Variants in CLSTN2 observed in about 807,000 individuals in gnomAD.
The protein encoded by CLSTN2 is calsyntenin-2.
A neutral mutation model predicts 101.2 loss-of-function variants in CLSTN2; 48 were observed. That is an observed-to-expected ratio of 0.47 (90% CI 0.38 to 0.60). The LOEUF (loss-of-function observed/expected upper bound fraction) is 0.60. CLSTN2 is among the 20% of genes least tolerant of loss of function. The probability of loss-of-function intolerance (pLI) is 0.00; values close to 1 mark genes in which losing one functional copy is unlikely to be tolerated. For missense variants in CLSTN2, 1,160 were observed against 1,238.2 expected, an observed-to-expected ratio of 0.94 and a Z score of 0.95; for synonymous variants, 481 against 463.6, an observed-to-expected ratio of 1.04 and a Z score of -0.48.
At chr3:140,469,131 T>C (rs1933776055) in intron 8 of CLSTN2, among the ~76,000 whole-genome samples, 1 of 152,230 alleles carries the variant, frequency 6.6e-6, no homozygotes, top group African/African-American at 2.4e-5. Context: ...TGGTCCACCC[T>C]TTTGACCTCA....
intron 2 of CLSTN2, among the ~76,000 whole-genome samples, chr3:140,391,471 T>A (rs1178105421): frequency 2.0e-5 from 3 of 152,160 alleles, no homozygotes; most frequent in Non-Finnish European, 2.9e-5. Flanking sequence ...ACTCCCCAGG[T>A]CACTTTGCTT....
Position 140,403,725 on chromosome 3 carries a change from G to T in CLSTN2, c.329G>T (p.Ser110Ile). ...GGAGAGGGCCGGCTCCGTGCCAAGA[G>T]CCCCATTGACTGTGAGTTGCAGAAG... Reference protein sequence around the residue: ...TSGEGRLRAKSPIDCELQKEY... With the variant: ...TSGEGRLRAKIPIDCELQKEY... Residue 110 changes from serine to isoleucine, a missense_variant, in exon 3 of 17, where the codon AGC (serine) becomes ATC (isoleucine). Transcript: ENST00000458420. 6.2e-7 allele frequency: 1 copy of T among 1,614,148 alleles called. No individual in the cohort carries two copies. The highest frequency in any genetic ancestry group is 8.5e-7 in the Non-Finnish European group (1 of 1,180,002).
intron 8 of CLSTN2, among the ~76,000 whole-genome samples, chr3:140,479,069 T>C (rs1265986780): frequency 6.6e-6 from 1 of 152,090 alleles, no homozygotes; most frequent in African/African-American, 2.4e-5. Flanking sequence ...CACAGAACTG[T>C]GTATATACAG....
intron 2 of CLSTN2, among the ~76,000 whole-genome samples, chr3:140,181,491 G>GTCC (rs2010408465): frequency 6.6e-6 from 1 of 152,150 alleles, no homozygotes; most frequent in African/African-American, 2.4e-5. Context: ...CATTTGTACT[G>GTCC]TCAAGGTATG....
At chr3:140,370,809 A>G (rs999922228) in intron 2 of CLSTN2, among the ~76,000 whole-genome samples, 2 of 152,172 alleles carry the variant, frequency 1.3e-5, no homozygotes, top group Non-Finnish European at 2.9e-5. Context: ...AGTTGGGGGC[A>G]TGCTGGATGC....
intron 1 of CLSTN2, among the ~76,000 whole-genome samples, chr3:140,115,109 T>C (rs907645829): frequency 6.6e-6 from 1 of 152,170 alleles, no homozygotes; most frequent in African/African-American, 2.4e-5. Context: ...AATAGCCCAG[T>C]TTATAGTTGA....
intron 2 of CLSTN2, among the ~76,000 whole-genome samples, chr3:140,271,374 T>A (rs547541897): frequency 1.3e-5 from 2 of 152,336 alleles, no homozygotes; most frequent in Non-Finnish European, 2.9e-5. Flanking sequence ...TTAGCTGTTA[T>A]AACAATGTTA....
chr3:140,042,934 T>C (rs1306204255), intron 1 of CLSTN2, among the ~76,000 whole-genome samples: 1 of 152,186 alleles, frequency 6.6e-6, no homozygotes, highest in Non-Finnish European at 1.5e-5. Context: ...TGATGGACAT[T>C]TGGGTTGGTT....
intron 1 of CLSTN2, among the ~76,000 whole-genome samples, chr3:140,013,307 C>G (rs936206978): frequency 6.6e-6 from 1 of 152,224 alleles, no homozygotes; most frequent in African/African-American, 2.4e-5. Flanking sequence ...AGCTCTGGAG[C>G]CTAGGGCTGG....
At chr3:140,415,486 C>CAAAAAAAAAAAAAAAAAAAAAAAAAA (rs751616049) in intron 4 of CLSTN2, among the ~76,000 whole-genome samples, 3 of 56,868 alleles carry the variant, frequency 5.3e-5, no homozygotes, top group African/African-American at 1.5e-4. Context: ...CACAAAATAG[C>CAAAAAAAAAAAAAAAAAAAAAAAAAA]AAAAAAAAAA....
intron 2 of CLSTN2, among the ~76,000 whole-genome samples, chr3:140,313,148 G>C (rs2087190868): frequency 6.6e-6 from 1 of 152,098 alleles, no homozygotes; most frequent in Non-Finnish European, 1.5e-5. Context: ...CCCTATTTTG[G>C]TAGAAAAGTC....
At chr3:139,951,961 A>G (rs1935303592) in intron 1 of CLSTN2, among the ~76,000 whole-genome samples, 1 of 152,180 alleles carries the variant, frequency 6.6e-6, no homozygotes, top group South Asian at 2.1e-4. Flanking sequence ...TTTAATCCCT[A>G]CATGGCTCTT....
chr3:139,936,361 G>A (rs1418834015), intron 1 of CLSTN2, among the ~76,000 whole-genome samples: 1 of 152,180 alleles, frequency 6.6e-6, no homozygotes, highest in Non-Finnish European at 1.5e-5. Flanking sequence ...GAGCTGGTGG[G>A]GAACAGTGGT....
intron 9 of CLSTN2, among the ~76,000 whole-genome samples, chr3:140,541,497 C>T (rs1935476693): frequency 6.6e-6 from 1 of 152,196 alleles, no homozygotes; most frequent in Non-Finnish European, 1.5e-5. Flanking sequence ...AAATTGTGCT[C>T]ACCAGTTCTG....
chr3:140,509,809 T>C (rs140831318), intron 8 of CLSTN2, among the ~76,000 whole-genome samples: 17 of 152,296 alleles, frequency 1.1e-4, no homozygotes, highest in African/African-American at 3.6e-4. Flanking sequence ...TGGGGCTTTG[T>C]GGAATTTGCA....
intron 2 of CLSTN2, among the ~76,000 whole-genome samples, chr3:140,228,442 G>A (rs1241334164): frequency 3.9e-5 from 6 of 152,168 alleles, no homozygotes; most frequent in African/African-American, 1.4e-4. Flanking sequence ...CCATCAACAA[G>A]TCTCTAGGAA....
At chr3:139,996,052 A>C (rs529197192) in intron 1 of CLSTN2, among the ~76,000 whole-genome samples, 5 of 152,318 alleles carry the variant, frequency 3.3e-5, no homozygotes, top group Non-Finnish European at 7.3e-5. Context: ...TCCATCTCCC[A>C]TCTATCTTCC....
chr3:140,011,807 G>T (rs781105180), intron 1 of CLSTN2, among the ~76,000 whole-genome samples: 30 of 151,992 alleles, frequency 2.0e-4, no homozygotes, highest in East Asian at 9.7e-4. Context: ...GGTCGGGGGG[G>T]ATTGAATTGC....
chr3:140,366,375 G>A (rs979346638), intron 2 of CLSTN2, among the ~76,000 whole-genome samples: 9 of 152,240 alleles, frequency 5.9e-5, no homozygotes, highest in Admixed American at 5.2e-4. Context: ...CATGAGACAG[G>A]AGACAGGATC....
Sources: allele counts gnomAD v4.1 joint callset (sites outside exome capture counted in the v4.1 genomes callset), GRCh38; gene constraint gnomAD v4.1.1; transcripts MANE v1.5; gene names NCBI Gene and HGNC (gene_info 2026-07-23, HGNC 2026-07-21).